PARVB: variants seen among roughly 807,000 people sequenced by gnomAD.
PARVB encodes beta-parvin.
A neutral mutation model predicts 47.0 loss-of-function variants in PARVB; 46 were observed. That is an observed-to-expected ratio of 0.98 (90% confidence interval 0.77 to 1.25). The LOEUF (loss-of-function observed/expected upper bound fraction) is 1.25, where lower values mean the gene tolerates loss of function less well. Among genes scored for constraint, PARVB ranks in the 50% most tolerant of loss-of-function variants. The probability of loss-of-function intolerance (pLI) is 0.00; values close to 1 mark genes in which losing one functional copy is unlikely to be tolerated. For missense variants in PARVB, 473 were observed against 471.6 expected, an observed-to-expected ratio of 1.00 and a Z score of -0.03; for synonymous variants, 196 against 196.3, an observed-to-expected ratio of 1.00 and a Z score of 0.01.
chr22:44,054,152 G>C (rs1015492345), intron 1 of PARVB, among the ~76,000 whole-genome samples: 14 of 152,084 alleles, frequency 9.2e-5, no homozygotes, highest in Non-Finnish European at 1.9e-4. Context: ...AATCTGATGA[G>C]AGTCCTGCCT....
At chr22:44,090,134 G>A (rs536425628) in intron 1 of PARVB, among the ~76,000 whole-genome samples, 119 of 152,284 alleles carry the variant, frequency 7.8e-4, no homozygotes, top group Non-Finnish European at 1.2e-3. Flanking sequence ...CTGTGAGGCC[G>A]GTATTCCCAC....
At chr22:44,067,101 C>T (rs1368429923) in intron 1 of PARVB, among the ~76,000 whole-genome samples, 2 of 152,162 alleles carry the variant, frequency 1.3e-5, no homozygotes, top group East Asian at 3.9e-4. Context: ...CTTGGCCTCC[C>T]AATGTGCTGG....
At chr22:44,036,345 CTGTG>C (rs201682388) in intron 1 of PARVB, among the ~76,000 whole-genome samples, 14 of 151,940 alleles carry the variant, frequency 9.2e-5, no homozygotes, top group African/African-American at 3.1e-4. Flanking sequence ...TGAACACAGT[CTGTG>C]TGTGTGTGTA....
At chr22:44,115,953 C>G (rs1421947962) in intron 3 of PARVB, 1 of 152,526 alleles carries the variant, frequency 6.6e-6, no homozygotes, top group African/African-American at 2.4e-5. Flanking sequence ...TGCACCAACA[C>G]AGATACATTG....
chr22:44,166,114 G>A (rs776870057), intron 12 of PARVB, among the ~76,000 whole-genome samples: 1 of 152,232 alleles, frequency 6.6e-6, no homozygotes, highest in Non-Finnish European at 1.5e-5. Context: ...CCGAACCCAC[G>A]ACTTTTTTTT....
At chr22:44,156,590 A>T (rs2053940592) in intron 10 of PARVB, among the ~76,000 whole-genome samples, 1 of 152,152 alleles carries the variant, frequency 6.6e-6, no homozygotes, top group South Asian at 2.1e-4. Flanking sequence ...TTTACTTTTA[A>T]TTTTTTTAAA....
chr22:44,146,290 A>T (rs4996906), intron 8 of PARVB: 2 of 142,430 alleles, frequency 1.4e-5, no homozygotes, highest in East Asian at 4.3e-4. Flanking sequence ...TTCACACACA[A>T]CCTCACACGC....
rs535389101 is a variant in PARVB, at chr22:44,129,818, G to A, written c.377-1669G>A. ...TGCCACCCAATCAGATGTTTTTTACGGGTGTTTATCTCCCCACTAGGGACC... is the reference window on the plus strand; with the variant it reads ...TGCCACCCAATCAGATGTTTTTTACAGGTGTTTATCTCCCCACTAGGGACC... On this transcript the variant is annotated intron_variant, in intron 4 of 12. Coordinates refer to ENST00000338758, the MANE Select transcript of PARVB (RefSeq NM_013327.5). 1.8e-4 allele frequency among the ~76,000 whole-genome samples: 27 copies of A among 152,184 alleles called. 1 individual carries two copies. In the East Asian group the frequency reaches 3.1e-3, roughly 17 times the overall value.
intron 2 of PARVB, among the ~76,000 whole-genome samples, chr22:44,099,366 G>A (rs1038177796): frequency 1.3e-5 from 2 of 152,264 alleles, no homozygotes; most frequent in African/African-American, 4.8e-5. Flanking sequence ...CCGCAGTCCC[G>A]CCTCCCCACT....
chr22:44,054,235 A>T (rs572700100), intron 1 of PARVB, among the ~76,000 whole-genome samples: 1 of 152,138 alleles, frequency 6.6e-6, no homozygotes, highest in South Asian at 2.1e-4. Flanking sequence ...AACATCTTTT[A>T]TTATTATTAT....
chr22:44,061,156 C>T lies in PARVB; in HGVS notation c.113-32772C>T, dbSNP rs60481735. 1.4e-3 allele frequency among the ~76,000 whole-genome samples: 206 copies of T among 152,164 alleles called. 2 individuals carry two copies. Among genetic ancestry groups the T allele is most frequent in the African/African-American group, 4.5e-3 (187 of 41,514 alleles). On this transcript the variant is annotated intron_variant, in intron 1 of 12. Transcript: ENST00000338758. ...TTTAAACAGCAAAGTTGGCTGGGCA[C>T]GGTGACTCATGCCTGTAATCCCAGC...
At chr22:44,151,253 T>G in intron 9 of PARVB, 1 of 489,778 alleles carries the variant, frequency 2.0e-6, no homozygotes, top group Non-Finnish European at 3.7e-6. Context: ...TATGTGTGCA[T>G]GGGTTGGTGA....
At chr22:44,149,778 T>TCTGA (rs35308816) in intron 9 of PARVB, 59,325 of 152,018 alleles carry the variant, frequency 0.39, 12,447 homozygotes, top group East Asian at 0.79. Flanking sequence ...GGTGGAGCTC[T>TCTGA]CTGTGTTTGT....
Position 44,061,765 on chromosome 22 carries a change from C to T in PARVB, c.113-32163C>T, listed in dbSNP as rs182136818. 1.0e-3 allele frequency among the ~76,000 whole-genome samples: 159 copies of T among 152,126 alleles called. 1 individual carries two copies. The highest frequency in any genetic ancestry group is 3.7e-3 in the African/African-American group (152 of 41,518). On this transcript the variant is annotated intron_variant, in intron 1 of 12. Coordinates refer to ENST00000338758, the MANE Select transcript of PARVB (RefSeq NM_013327.5). ...CCGAGTAGCTGAGACTATAGGTGCGCACTACCACACCCAGCTAATTTTTGT... is the reference window on the plus strand; with the variant it reads ...CCGAGTAGCTGAGACTATAGGTGCGTACTACCACACCCAGCTAATTTTTGT...
At chr22:44,119,883 A>G (rs780104485) in intron 4 of PARVB, 1 of 527,932 alleles carries the variant, frequency 1.9e-6, no homozygotes, top group South Asian at 1.4e-5. Flanking sequence ...GCGGCCTTGC[A>G]GCTCATATGG....
intron 9 of PARVB, chr22:44,150,369 T>G (rs578211784): frequency 1.3e-5 from 2 of 151,940 alleles, no homozygotes; most frequent in African/African-American, 4.8e-5. Context: ...GATCTCCCCA[T>G]GTATTGCAAA....
chr22:44,048,544 A>G (rs1014354069), intron 1 of PARVB, among the ~76,000 whole-genome samples: 3 of 151,256 alleles, frequency 2.0e-5, no homozygotes, highest in African/African-American at 7.3e-5. Context: ...GATAATTTTT[A>G]TATTTTTTAA....
At chr22:44,019,556 C>G (rs566369571), upstream of PARVB, among the ~76,000 whole-genome samples, 15 of 152,332 alleles carry the variant, frequency 9.8e-5, no homozygotes, top group South Asian at 3.1e-3. Context: ...GGTTTTGTCG[C>G]TCACGGCTCT....
chr22:44,091,343 A>G (rs997357000), intron 1 of PARVB, among the ~76,000 whole-genome samples: 8 of 142,772 alleles, frequency 5.6e-5, no homozygotes, highest in African/African-American at 2.1e-4. Flanking sequence ...AAACTTTACC[A>G]TCTTAGCCAT....
Sources: gnomAD v4.1 joint callset for allele counts (sites outside exome capture counted in the v4.1 genomes callset) on GRCh38, gnomAD v4.1.1 for gene constraint, MANE v1.5 for transcripts, NCBI Gene and HGNC (gene_info 2026-07-23, HGNC 2026-07-21) for gene names.